The following DCC variants were observed in gnomAD, a reference collection of about 807,000 sequenced individuals.
DCC encodes the protein netrin receptor DCC.
DCC carries 58 observed loss-of-function variants against 172.5 expected under a neutral mutation model. The observed-to-expected ratio is 0.34, with a 90% CI of 0.27 to 0.42. The LOEUF (loss-of-function observed/expected upper bound fraction) is 0.42. Ranked by LOEUF, DCC falls within the 10% of genes least tolerant of loss-of-function variation. The pLI is 1.00. For synonymous variants in DCC, 709 were observed against 644.5 expected (o/e 1.10, Z -1.52); for missense variants, 1,740 against 1,791.0 (o/e 0.97, Z 0.51).
chr18:52,715,955 C>A (rs76771823), intron 1 of DCC, among the ~76,000 whole-genome samples: 11 of 143,836 alleles, frequency 7.6e-5, no homozygotes, highest in Non-Finnish European at 1.7e-4. Flanking sequence ...TTCACAGGCC[C>A]TAACCAGGTC....
At chr18:52,781,922 T>C (rs1242930539) in intron 2 of DCC, among the ~76,000 whole-genome samples, 2 of 152,164 alleles carry the variant, frequency 1.3e-5, no homozygotes, top group South Asian at 2.1e-4. Context: ...TTAAACATAC[T>C]TGGTCAGTTG....
Position 52,662,377 on chromosome 18 carries a change from G to A in DCC, c.92-89677G>A, listed in dbSNP as rs1416195779. 2.0e-5 allele frequency among the ~76,000 whole-genome samples: 3 copies of A among 152,050 alleles called. No individual in the cohort carries two copies. The East Asian group carries it at 5.8e-4, about 29-fold the overall frequency. ...AATCCAATAAGGATATGAATTTCTGGAATGAAAGGACCCAGGTCATCTAGT... is the reference window on the plus strand; with the variant it reads ...AATCCAATAAGGATATGAATTTCTGAAATGAAAGGACCCAGGTCATCTAGT... On this transcript the variant is annotated intron_variant, in intron 1 of 28. Transcript: ENST00000442544.
At chr18:53,299,035 T>C (rs1332791475) in intron 12 of DCC, among the ~76,000 whole-genome samples, 1 of 152,180 alleles carries the variant, frequency 6.6e-6, no homozygotes, top group East Asian at 1.9e-4. Flanking sequence ...ACCACTAAGA[T>C]GAGTAGTGAA....
intron 7 of DCC, among the ~76,000 whole-genome samples, chr18:53,154,765 A>G (rs2054701522): frequency 6.6e-6 from 1 of 152,186 alleles, no homozygotes; most frequent in African/African-American, 2.4e-5. Context: ...CACAGCTGAG[A>G]GGACAACTTG....
chr18:52,659,579 C>T lies in DCC; in HGVS notation c.92-92475C>T, dbSNP rs2035317831. Among the ~76,000 whole-genome samples the T allele has an allele frequency of 2.0e-5, 3 of 152,042 alleles. No individual in the cohort carries two copies. In the South Asian group the frequency reaches 6.2e-4, roughly 32 times the overall value. On this transcript the variant is annotated intron_variant, in intron 1 of 28. Coordinates refer to ENST00000442544, the MANE Select transcript of DCC (RefSeq NM_005215.4). ...TCATATAGTCAGGAACCAAATGAACCAGGCCAAAACAAGAGCAACTGTTGA... is the reference window on the plus strand; with the variant it reads ...TCATATAGTCAGGAACCAAATGAACTAGGCCAAAACAAGAGCAACTGTTGA...
chr18:52,364,559 T>C (rs768636347), intron 1 of DCC, among the ~76,000 whole-genome samples: 63 of 152,260 alleles, frequency 4.1e-4, no homozygotes, highest in Non-Finnish European at 7.9e-4. Context: ...ATTCATTTTC[T>C]GGTGAGGAAA....
intron 7 of DCC, among the ~76,000 whole-genome samples, chr18:53,101,937 C>G (rs1304346573): frequency 6.6e-6 from 1 of 151,992 alleles, no homozygotes. Context: ...GTAATTACTT[C>G]AGGAGTAGGG....
intron 1 of DCC, among the ~76,000 whole-genome samples, chr18:52,566,164 A>C (rs1438570134): frequency 6.6e-6 from 1 of 152,018 alleles, no homozygotes; most frequent in East Asian, 1.9e-4. Context: ...GTGGCATTGC[A>C]CCATGGAATA....
chr18:52,349,657 A>G (rs913119332), intron 1 of DCC, among the ~76,000 whole-genome samples: 3 of 152,054 alleles, frequency 2.0e-5, no homozygotes, highest in African/African-American at 7.2e-5. Context: ...TGTTCTTTCC[A>G]TTACCCTTGT....
At chr18:53,512,843 C>T (rs1033695550) in intron 27 of DCC, among the ~76,000 whole-genome samples, 29 of 151,776 alleles carry the variant, frequency 1.9e-4, no homozygotes, top group Non-Finnish European at 2.6e-4. Context: ...GATTGGTGTA[C>T]CTGAAAGTGA....
intron 1 of DCC, among the ~76,000 whole-genome samples, chr18:52,748,704 A>C (rs957370690): frequency 1.3e-5 from 2 of 152,194 alleles, no homozygotes; most frequent in African/African-American, 4.8e-5. Flanking sequence ...GCATCCAAGA[A>C]GAATGAGGTT....
At chr18:53,345,379 C>A (rs1243646476) in intron 15 of DCC, among the ~76,000 whole-genome samples, 1 of 152,090 alleles carries the variant, frequency 6.6e-6, no homozygotes, top group Non-Finnish European at 1.5e-5. Flanking sequence ...TGCAACTGCA[C>A]AGGTCTCTTT....
At chr18:52,432,284 G>C (rs1415711961) in intron 1 of DCC, among the ~76,000 whole-genome samples, 1 of 152,142 alleles carries the variant, frequency 6.6e-6, no homozygotes, top group Non-Finnish European at 1.5e-5. Context: ...TACTGAAACT[G>C]GAGGTTTTTC....
chr18:52,583,231 A>G (rs998212672), intron 1 of DCC, among the ~76,000 whole-genome samples: 2 of 152,188 alleles, frequency 1.3e-5, no homozygotes, highest in African/African-American at 2.4e-5. Flanking sequence ...TAAGATAGGT[A>G]CTCTGTAAAT....
chr18:52,467,537 A>G (rs1344677277), intron 1 of DCC, among the ~76,000 whole-genome samples: 1 of 152,178 alleles, frequency 6.6e-6, no homozygotes, highest in Non-Finnish European at 1.5e-5. Context: ...TAGTAGAATG[A>G]TTTATAATCC....
rs35302015 is a variant in DCC at position 52,376,483 on chromosome 18, A to ATGTGTGTGTG, written c.91+35621_91+35630dup. ...TTCTCAAAAATAATAGTATATTTCTATGTGTGTGTGTGTGTGTGTGTGTGT... is the reference window on the plus strand; with the variant it reads ...TTCTCAAAAATAATAGTATATTTCTATGTGTGTGTGTGTGTGTGTGTGTGTGTGTGTGTGT... On this transcript the variant is annotated intron_variant, in intron 1 of 28. Coordinates refer to ENST00000442544, the MANE Select transcript of DCC (RefSeq NM_005215.4). 1.6e-3 allele frequency among the ~76,000 whole-genome samples: 246 copies of ATGTGTGTGTG among 150,066 alleles called. 1 individual carries two copies. Among genetic ancestry groups the ATGTGTGTGTG allele is most frequent in the African/African-American group, 5.7e-3 (235 of 40,992 alleles).
chr18:52,689,536 AG>A (rs769458325), intron 1 of DCC, among the ~76,000 whole-genome samples: 2 of 152,142 alleles, frequency 1.3e-5, no homozygotes, highest in Non-Finnish European at 2.9e-5. Context: ...GAGTAAGGCT[AG>A]GGACCCTATG....
In DCC at chr18:52,798,239, A is replaced by G. The variant is rs543447536; in HGVS notation, c.412+45865A>G. ...TTTTTAAGTGACTTAATATCAGGCT[A>G]TATCTTAAGATTTATATGTCTTTAA... On this transcript the variant is annotated intron_variant, in intron 2 of 28. Transcript: ENST00000442544. 1.4e-4 allele frequency among the ~76,000 whole-genome samples: 21 copies of G among 152,350 alleles called. No homozygotes were observed. The South Asian group carries it at 4.1e-3, about 30-fold the overall frequency.
chr18:52,967,674 C>T (rs1568216920), intron 5 of DCC, among the ~76,000 whole-genome samples: 1 of 152,052 alleles, frequency 6.6e-6, no homozygotes, highest in Non-Finnish European at 1.5e-5. Context: ...TTGCTTTCTC[C>T]TCTTCTGATA....
Sources: allele counts gnomAD v4.1 joint callset (sites outside exome capture counted in the v4.1 genomes callset), GRCh38; gene constraint gnomAD v4.1.1; transcripts MANE v1.5; gene names NCBI Gene and HGNC (gene_info 2026-07-23, HGNC 2026-07-21).